Variants in CPNE2 observed in about 807,000 individuals in gnomAD.
CPNE2 encodes the protein copine 2.
In CPNE2, 42 loss-of-function variants were observed where a neutral mutation model predicts 69.7. That is an observed-to-expected ratio of 0.60 (90% CI 0.47 to 0.78). The LOEUF is 0.78. Among genes scored for constraint, CPNE2 ranks in the 30% least tolerant of loss-of-function variants. CPNE2 has a pLI of 0.00. For synonymous variants in CPNE2, 294 were observed against 289.8 expected (o/e 1.01, Z -0.15); for missense variants, 587 against 732.0 (o/e 0.80, Z 2.29).
chr16:57,119,231 T>C lies in CPNE2; in HGVS notation c.544T>C (p.Tyr182His). Reference sequence around the variant, plus strand: ...GAAGTCAGACCCCTTTCTGGAGTTTTATAAGCCAGGAGACGATGGCAAGTG... The same window carrying C: ...GAAGTCAGACCCCTTTCTGGAGTTTCATAAGCCAGGAGACGATGGCAAGTG... The part of the protein sequence containing the change: ...FGKSDPFLEF[Y>H]KPGDDGKWML... Residue 182 changes from tyrosine to histidine, a missense_variant, in exon 6 of 16, where the codon TAT (tyrosine) becomes CAT (histidine). Physicochemically the swap from Tyr to His is moderately conservative, Grantham distance 83. This residue lies in a region of CPNE2 where 269 missense variants were observed against 300.5 expected (regional missense o/e 0.90). Transcript: ENST00000290776. The C allele has an allele frequency of 6.2e-7, 1 of 1,614,154 alleles. No individual in the cohort carries two copies. Among genetic ancestry groups the C allele is most frequent in the East Asian group, 2.2e-5 (1 of 44,890 alleles).
rs540789704 is a variant in CPNE2, at chr16:57,146,403, G to A, written c.1539+82G>A. ...CATAATCAAGCTTGAGAGTCTTGGG[G>A]TTGTCTGGCCCAATCCTAGACTTCT... On this transcript the variant is annotated intron_variant, in intron 15 of 15. Coordinates refer to ENST00000290776, the MANE Select transcript of CPNE2 (RefSeq NM_152727.6). The surrounding 1 kb of genome is among the most constrained non-coding windows in gnomAD (Gnocchi z 4.4). 7.0e-4 allele frequency: 869 copies of A among 1,232,978 alleles called. No individual in the cohort carries two copies. The highest frequency in any genetic ancestry group is 9.5e-4 in the Non-Finnish European group (836 of 881,990). The allele number at this position is 1,232,978 out of a possible 1,614,324, so 76.4% of individuals were successfully genotyped here.
intron 1 of CPNE2, among the ~76,000 whole-genome samples, chr16:57,098,968 A>G (rs2069595920): frequency 6.6e-6 from 1 of 152,198 alleles, no homozygotes; most frequent in South Asian, 2.1e-4. Flanking sequence ...GTTTTACCAC[A>G]TTGAAGTGTA....
intron 1 of CPNE2, among the ~76,000 whole-genome samples, chr16:57,103,798 C>G (rs770995969): frequency 2.0e-5 from 3 of 152,230 alleles, no homozygotes; most frequent in African/African-American, 7.2e-5. Context: ...GGGGCCAGGG[C>G]TACTTTCTCC....
chr16:57,138,173 G>A (rs2069896657), intron 14 of CPNE2, among the ~76,000 whole-genome samples: 1 of 152,126 alleles, frequency 6.6e-6, no homozygotes, highest in Non-Finnish European at 1.5e-5. Flanking sequence ...TTCCTTTCTG[G>A]CCACTACCTC....
At chr16:57,133,125 G>A (rs763868147) in intron 12 of CPNE2, among the ~76,000 whole-genome samples, 4 of 152,028 alleles carry the variant, frequency 2.6e-5, no homozygotes, top group African/African-American at 4.8e-5. Flanking sequence ...AGCCCCCCTC[G>A]TAATCTCTAT....
chr16:57,118,237 C>G (rs2069734488), intron 5 of CPNE2, among the ~76,000 whole-genome samples: 1 of 150,712 alleles, frequency 6.6e-6, no homozygotes. Context: ...GTCATCTCAG[C>G]TCACTGCAAG....
chr16:57,122,533 C>T (rs1289014898), intron 9 of CPNE2, among the ~76,000 whole-genome samples: 1 of 152,238 alleles, frequency 6.6e-6, no homozygotes, highest in African/African-American at 2.4e-5. Flanking sequence ...TCACTTTTCA[C>T]AATTTCTGGC....
chr16:57,105,431 T>G (rs1236674684), intron 1 of CPNE2, among the ~76,000 whole-genome samples: 1 of 124,306 alleles, frequency 8.0e-6, no homozygotes, highest in Non-Finnish European at 1.6e-5. Context: ...ATGTGTCCGG[T>G]TTTTTTTTTT....
chr16:57,113,071 C>G, intron 2 of CPNE2: 1 of 506,186 alleles, frequency 2.0e-6, no homozygotes, highest in South Asian at 2.5e-5. Context: ...AATCTCGGCC[C>G]TGCTCCACAA....
Position 57,113,320 on chromosome 16 carries a change from C to T in CPNE2, c.213C>T (p.Leu71=). ...GGACAGAAACCGCGATCAACAACCT[C>T]AACCCCGCCTTCTCCAAGAAGTTCG... ...YDRTETAINN[L]NPAFSKKFVL... Residue 71 remains leucine (L), a synonymous_variant, in exon 3 of 16, where the codon CTC becomes CTT. Transcript: ENST00000290776. 1 of 1,614,178 alleles carries T rather than the reference C, an allele frequency of 6.2e-7. No homozygotes were observed. The highest frequency in any genetic ancestry group is 8.5e-7 in the Non-Finnish European group (1 of 1,179,996).
intron 9 of CPNE2, 79 bp from the exon 10 acceptor site, chr16:57,123,335 C>T: frequency 1.4e-6 from 2 of 1,450,090 alleles, no homozygotes; most frequent in Non-Finnish European, 1.9e-6. Context: ...ACTGAGGTTG[C>T]AGGACATAGA....
intron 1 of CPNE2, among the ~76,000 whole-genome samples, chr16:57,098,895 G>A (rs1440178298): frequency 6.6e-6 from 1 of 152,196 alleles, no homozygotes. Flanking sequence ...CAAGGACCAG[G>A]GAAATAGGAA....
chr16:57,132,047 A>G (rs2069842128), intron 12 of CPNE2, among the ~76,000 whole-genome samples: 1 of 152,176 alleles, frequency 6.6e-6, no homozygotes, highest in South Asian at 2.1e-4. Flanking sequence ...TGCAGTGTGC[A>G]GTGCCATTGT....
rs533473292 is a variant in CPNE2, at chr16:57,092,958, G to C, written c.-36+168G>C. 6.6e-6 allele frequency among the ~76,000 whole-genome samples: 1 copy of C among 152,192 alleles called. No homozygotes were observed. The highest frequency in any genetic ancestry group is 2.1e-4 in the South Asian group (1 of 4,828). On this transcript the variant is annotated intron_variant, in intron 1 of 15. Coordinates refer to ENST00000290776, the MANE Select transcript of CPNE2 (RefSeq NM_152727.6). This position sits in a 1 kb window ranked among gnomAD's most constrained non-coding sequence, Gnocchi z 5.3. ...GCGCGAACCCGGACTCCGGCGCTTC[G>C]GTGACTCAGCTCCGACCCGGCCACG...
In CPNE2 at chr16:57,146,244, C is replaced by T. The variant is rs1454360692; in HGVS notation, c.1462C>T (p.Arg488Cys). The change falls in exon 15 of 16, where the codon CGC (arginine) becomes TGC (cysteine). Residue 488 changes from arginine to cysteine, a missense_variant. Physicochemically the swap from Arg to Cys is radical, Grantham distance 180 (BLOSUM62 -3). Around this residue, in one of 5 missense-constraint regions of CPNE2, gnomAD observed 185 missense variants for 252.3 expected, o/e 0.73. Coordinates refer to ENST00000290776, the MANE Select transcript of CPNE2 (RefSeq NM_152727.6). This position sits in a 1 kb window ranked among gnomAD's most constrained non-coding sequence, Gnocchi z 4.4. ...CATGGAGTTCCTGGATGGGGACAGC[C>T]GCATGCTGCGCTCCCACACGGGGGA... ...AAMEFLDGDSRMLRSHTGEEA... is the reference protein window; with the variant it reads ...AAMEFLDGDSCMLRSHTGEEA... 6.4e-6 allele frequency: 10 copies of T among 1,559,310 alleles called. No homozygotes were observed. Among genetic ancestry groups the T allele is most frequent in the Non-Finnish European group, 8.7e-6 (10 of 1,150,908 alleles).
intron 14 of CPNE2, 129 bp downstream of exon 14, chr16:57,137,411 G>T: frequency 1.6e-6 from 2 of 1,244,452 alleles, no homozygotes; most frequent in Admixed American, 5.0e-5. Flanking sequence ...TTACCTTCAC[G>T]TATTGTAAAA....
At chr16:57,129,433 C>T (rs1221296810) in intron 12 of CPNE2, among the ~76,000 whole-genome samples, 1 of 152,150 alleles carries the variant, frequency 6.6e-6, no homozygotes, top group Non-Finnish European at 1.5e-5. Context: ...CAACTGGGCA[C>T]TGAGGCGGGG....
intron 1 of CPNE2, among the ~76,000 whole-genome samples, chr16:57,102,740 T>C (rs935627441): frequency 1.3e-5 from 2 of 152,050 alleles, no homozygotes; most frequent in Admixed American, 1.3e-4. Context: ...TAGCTGGGAT[T>C]ACAGGCACCT....
intron 1 of CPNE2, among the ~76,000 whole-genome samples, chr16:57,108,249 G>A (rs1237664051): frequency 6.6e-6 from 1 of 152,190 alleles, no homozygotes; most frequent in Non-Finnish European, 1.5e-5. Flanking sequence ...ACACCCTCTA[G>A]AGTGAATGAA....
Sources: gnomAD v4.1 joint callset for allele counts (sites outside exome capture counted in the v4.1 genomes callset) on GRCh38, gnomAD v4.1.1 for gene constraint, gnomAD v4.1.1 regional missense constraint, Gnocchi (gnomAD v3.1) non-coding constraint, MANE v1.5 for transcripts, NCBI Gene and HGNC (gene_info 2026-07-23, HGNC 2026-07-21) for gene names.